The following WDFY2 variants were observed in gnomAD, a reference collection of about 807,000 sequenced individuals.
WDFY2 encodes the protein WD repeat and FYVE domain-containing protein 2.
In WDFY2, 36 loss-of-function variants were observed where a neutral mutation model predicts 56.4. The ratio of observed to expected loss-of-function variants is 0.64; its 90% CI spans 0.49 to 0.84. The LOEUF is 0.84. Among genes scored for constraint, WDFY2 ranks in the 40% least tolerant of loss-of-function variants. The pLI is 0.00. For synonymous variants in WDFY2, 176 were observed against 183.7 expected (o/e 0.96, Z 0.34); for missense variants, 444 against 512.2 (o/e 0.87, Z 1.29).
chr13:51,686,426 G>T (rs1341134211), intron 3 of WDFY2, among the ~76,000 whole-genome samples: 2 of 152,016 alleles, frequency 1.3e-5, no homozygotes, highest in Non-Finnish European at 2.9e-5. Context: ...TTTAGATAAG[G>T]TTAATTTTAT....
At chr13:51,589,756 A>C (rs1954009406) in intron 1 of WDFY2, 2 of 152,206 alleles carry the variant, frequency 1.3e-5, no homozygotes, top group Admixed American at 1.3e-4. Context: ...CTAATTTTTC[A>C]GTGTGTGAAG....
rs1199675792 is a variant in WDFY2, at chr13:51,719,233, C to T, written c.370C>T (p.Leu124=). 3 of 1,614,146 alleles carry T rather than the reference C, an allele frequency of 1.9e-6. No homozygotes were observed. The highest frequency in any genetic ancestry group is 2.5e-6 in the Non-Finnish European group (3 of 1,180,026). The stretch of plus-strand genomic sequence containing the variant: ...CAGAGTGACGATGATCCTGTTTGTC[C>T]TGGAGCTGGAGTGGGTGCTGAGCAC... The part of the protein sequence containing the change: ...QSRVTMILFV[L]ELEWVLSTGQ... Residue 124 remains leucine (L), a synonymous_variant, in exon 5 of 12, where the codon CTG becomes TTG. Transcript: ENST00000298125.
At chr13:51,646,255 C>T (rs943139792) in intron 1 of WDFY2, among the ~76,000 whole-genome samples, 7 of 152,240 alleles carry the variant, frequency 4.6e-5, no homozygotes, top group Non-Finnish European at 2.9e-5. Flanking sequence ...TGGATTCTCA[C>T]GACTCCTGCT....
At chr13:51,747,021 C>T (rs971047155) in intron 7 of WDFY2, among the ~76,000 whole-genome samples, 4 of 152,248 alleles carry the variant, frequency 2.6e-5, no homozygotes, top group Admixed American at 1.3e-4. Context: ...AATGTCAGCT[C>T]AGCGGCCTGT....
At position 51,765,904 on chromosome 13, in the gene WDFY2, A is replaced by C. The variant is rs1418849350; in HGVS notation, c.*6135A>C. On this transcript the variant is annotated 3_prime_UTR_variant, in exon 12 of 12. Coordinates refer to ENST00000298125, the MANE Select transcript of WDFY2 (RefSeq NM_052950.4). Reference sequence around the variant, plus strand: ...AAGAAGAGTATCTGACTTTCTTGGAAGTGTCAAGAATTGCAGGTTGGCTGA... The same window carrying C: ...AAGAAGAGTATCTGACTTTCTTGGACGTGTCAAGAATTGCAGGTTGGCTGA... The C allele has an allele frequency of 1.3e-5, 2 of 152,184 alleles. No individual in the cohort carries two copies. Among genetic ancestry groups the C allele is most frequent in the African/African-American group, 4.8e-5 (2 of 41,438 alleles). 9.4% of individuals were successfully genotyped at this position (152,184 alleles called of 1,614,324 possible). A position where few individuals can be genotyped will look rare whatever the true frequency, so the allele number is the denominator to read the frequency against.
At chr13:51,653,340 A>G (rs1251746582) in intron 1 of WDFY2, among the ~76,000 whole-genome samples, 1 of 152,090 alleles carries the variant, frequency 6.6e-6, no homozygotes, top group East Asian at 1.9e-4. Context: ...CTTCTTTGCC[A>G]TGGGTTCGAA....
chr13:51,718,073 TTA>T (rs1473547965), intron 4 of WDFY2, among the ~76,000 whole-genome samples: 1 of 152,218 alleles, frequency 6.6e-6, no homozygotes, highest in Admixed American at 6.5e-5. Flanking sequence ...GCAGATGGTA[TTA>T]TTATTGTCAG....
intron 1 of WDFY2, among the ~76,000 whole-genome samples, chr13:51,630,188 A>G (rs545138396): frequency 1.3e-5 from 2 of 152,250 alleles, no homozygotes; most frequent in East Asian, 3.9e-4. Flanking sequence ...TCTTTAAATC[A>G]CTGAGGTTAG....
intron 4 of WDFY2, among the ~76,000 whole-genome samples, chr13:51,706,433 G>GA (rs1246052189): frequency 6.6e-6 from 1 of 152,120 alleles, no homozygotes; most frequent in African/African-American, 2.4e-5. Context: ...TGAGTGAGAT[G>GA]AAAAATTGGA....
At chr13:51,713,692 A>G (rs570923602) in intron 4 of WDFY2, among the ~76,000 whole-genome samples, 1 of 151,990 alleles carries the variant, frequency 6.6e-6, no homozygotes, top group African/African-American at 2.4e-5. Flanking sequence ...CTACTAAAAT[A>G]TAAAAATTAG....
intron 1 of WDFY2, among the ~76,000 whole-genome samples, chr13:51,600,529 T>C (rs991998263): frequency 3.9e-5 from 6 of 152,240 alleles, no homozygotes; most frequent in African/African-American, 1.4e-4. Context: ...TCCTGAATTT[T>C]ACATTACAGT....
At chr13:51,730,276 G>T (rs1406122118) in intron 6 of WDFY2, among the ~76,000 whole-genome samples, 1 of 152,162 alleles carries the variant, frequency 6.6e-6, no homozygotes, top group African/African-American at 2.4e-5. Flanking sequence ...TGTCCCCGAG[G>T]TGACCAGTGG....
chr13:51,727,787 A>C lies in WDFY2; in HGVS notation c.595A>C (p.Thr199Pro). 6.2e-7 allele frequency: 1 copy of C among 1,614,014 alleles called. No homozygotes were observed. The highest frequency in any genetic ancestry group is 2.2e-5 in the East Asian group (1 of 44,886). Residue 199 changes from threonine to proline, a missense_variant, in exon 6 of 12, where the codon ACA (threonine) becomes CCA (proline). Transcript: ENST00000298125. Reference sequence around the variant, plus strand: ...CCTGGTCACAACATTCAGAGGACACACAGGTAGGATTAACAGTAAAATCGT... The same window carrying C: ...CCTGGTCACAACATTCAGAGGACACCCAGGTAGGATTAACAGTAAAATCGT... The part of the protein sequence containing the change: ...CTLVTTFRGH[T>P]GGVTALCWDP...
chr13:51,700,756 G>A (rs976418794), intron 3 of WDFY2, among the ~76,000 whole-genome samples: 3 of 151,420 alleles, frequency 2.0e-5, no homozygotes, highest in Admixed American at 6.6e-5. Context: ...ACCTGAGGTC[G>A]GGGGTTCAAG....
rs750558227 is a variant in WDFY2, at chr13:51,727,651, A to G, written c.486-27A>G. The G allele has an allele frequency of 1.2e-5, 19 of 1,599,692 alleles. No individual in the cohort carries two copies. The Admixed American group carries it at 3.1e-4, about 26-fold the overall frequency. ...GTAAATTCCCTCATTTAATTTTGAG[A>G]AACAATCCTTAATGCTTTCATGACA... On this transcript the variant is annotated intron_variant, in intron 5 of 11. Coordinates refer to ENST00000298125, the MANE Select transcript of WDFY2 (RefSeq NM_052950.4).
intron 2 of WDFY2, among the ~76,000 whole-genome samples, chr13:51,662,766 C>G (rs1322551486): frequency 6.6e-6 from 1 of 152,158 alleles, no homozygotes; most frequent in Admixed American, 6.5e-5. Context: ...ATGTGTTTCC[C>G]TGAGAGGATT....
At chr13:51,603,143 G>T (rs1259343548) in intron 1 of WDFY2, among the ~76,000 whole-genome samples, 1 of 152,174 alleles carries the variant, frequency 6.6e-6, no homozygotes, top group Admixed American at 6.5e-5. Context: ...AAATGGAAAT[G>T]CCAGAAAGAT....
At chr13:51,737,190 A>T (rs755441047) in intron 6 of WDFY2, among the ~76,000 whole-genome samples, 9 of 152,198 alleles carry the variant, frequency 5.9e-5, no homozygotes, top group Non-Finnish European at 1.0e-4. Context: ...AGATGCAGGC[A>T]TCACATTAAC....
intron 6 of WDFY2, among the ~76,000 whole-genome samples, chr13:51,731,665 A>C (rs1356262445): frequency 6.6e-6 from 1 of 152,204 alleles, no homozygotes; most frequent in Admixed American, 6.5e-5. Context: ...AGCTCTTCCT[A>C]AGTAGTAGGC....
Sources: allele counts gnomAD v4.1 joint callset (sites outside exome capture counted in the v4.1 genomes callset), GRCh38; gene constraint gnomAD v4.1.1; transcripts MANE v1.5; gene names NCBI Gene and HGNC (gene_info 2026-07-23, HGNC 2026-07-21).